The following DIAPH2 variants were observed in gnomAD, a reference collection of about 807,000 sequenced individuals.
DIAPH2 encodes diaphanous related formin 2.
Under a neutral mutation model 92.7 loss-of-function variants are expected in DIAPH2, and 35 were observed. That is an observed-to-expected ratio of 0.38 (90% confidence interval 0.29 to 0.50). DIAPH2 has a LOEUF of 0.50. Ranked by LOEUF, DIAPH2 falls within the 20% of genes least tolerant of loss-of-function variation. The pLI is 0.94. For synonymous variants in DIAPH2, 301 were observed against 280.4 expected, an observed-to-expected ratio of 1.07 and a Z score of -0.73; for missense variants, 701 against 819.5, an observed-to-expected ratio of 0.86 and a Z score of 1.77.
At chrX:97,359,812 G>A (rs6652337) in intron 24 of DIAPH2, among the ~76,000 whole-genome samples, 57 of 110,082 alleles carry the variant, frequency 5.2e-4, no homozygotes, top group African/African-American at 1.7e-3. Context: ...TCTGGACCTC[G>A]TAATCCACCC....
At chrX:97,439,854 A>G (rs1422949926) in intron 26 of DIAPH2, among the ~76,000 whole-genome samples, 2 of 111,462 alleles carry the variant, frequency 1.8e-5, no homozygotes, top group African/African-American at 6.5e-5. Context: ...GGTGGGTGGT[A>G]GTACATATGT....
intron 26 of DIAPH2, among the ~76,000 whole-genome samples, chrX:97,486,335 C>A (rs975525594): frequency 1.8e-5 from 2 of 111,639 alleles, no homozygotes; most frequent in South Asian, 7.5e-4. Context: ...TACTCTAGAC[C>A]AAAAGAGTAA....
chrX:97,472,105 C>A (rs1239158402), intron 26 of DIAPH2, among the ~76,000 whole-genome samples: 1 of 112,104 alleles, frequency 8.9e-6, no homozygotes, highest in Admixed American at 9.5e-5. Context: ...AGTCTGATAA[C>A]ACTACTACAT....
chrX:96,940,189 G>A (rs1448652553), intron 12 of DIAPH2, among the ~76,000 whole-genome samples: 1 of 111,112 alleles, frequency 9.0e-6, no homozygotes, highest in Non-Finnish European at 1.9e-5. Context: ...ATTAAGTAAG[G>A]TTTTACTGTT....
At chrX:97,055,100 T>A (rs919956768) in intron 17 of DIAPH2, among the ~76,000 whole-genome samples, 2 of 110,066 alleles carry the variant, frequency 1.8e-5, no homozygotes, top group African/African-American at 6.6e-5. Flanking sequence ...AGTTTAATTT[T>A]TTTTTTTTTC....
chrX:96,956,333 C>A (rs890290388), intron 15 of DIAPH2, among the ~76,000 whole-genome samples: 4 of 111,408 alleles, frequency 3.6e-5, no homozygotes, highest in Admixed American at 2.8e-4. Context: ...GCACAGGAAA[C>A]TATTTTTCTC....
At chrX:96,895,191 G>C (rs936781637) in intron 5 of DIAPH2, among the ~76,000 whole-genome samples, 5 of 109,967 alleles carry the variant, frequency 4.5e-5, no homozygotes, top group Admixed American at 2.0e-4. Context: ...TTTTCGTAGA[G>C]ATGGGGTTTC....
At chrX:97,535,793 A>T (rs1220523091) in intron 26 of DIAPH2, among the ~76,000 whole-genome samples, 1 of 112,511 alleles carries the variant, frequency 8.9e-6, no homozygotes, top group East Asian at 2.8e-4. Context: ...ATCATGCCCA[A>T]GGTCACTATC....
chrX:97,369,744 C>T (rs931760166), intron 24 of DIAPH2, among the ~76,000 whole-genome samples: 2 of 111,301 alleles, frequency 1.8e-5, no homozygotes, highest in Non-Finnish European at 3.8e-5. Context: ...TTTCTACTTA[C>T]AAAAGCACAA....
At chrX:96,995,979 AT>A (rs773286900) in intron 17 of DIAPH2, among the ~76,000 whole-genome samples, 4 of 111,281 alleles carry the variant, frequency 3.6e-5, no homozygotes, top group Non-Finnish European at 5.7e-5. Context: ...CAAATCTTGA[AT>A]TTGTTTCCAT....
chrX:97,367,862 C>T (rs1372426783), intron 24 of DIAPH2, among the ~76,000 whole-genome samples: 2 of 110,813 alleles, frequency 1.8e-5, no homozygotes, highest in Non-Finnish European at 3.8e-5. Flanking sequence ...GCCACCAGGC[C>T]CAGCTAATTT....
At chrX:97,327,472 G>A (rs377182333) in intron 23 of DIAPH2, among the ~76,000 whole-genome samples, 3 of 110,711 alleles carry the variant, frequency 2.7e-5, no homozygotes, top group African/African-American at 9.8e-5. Flanking sequence ...TCGCTCTGTC[G>A]CCCAGGCTGG....
At chrX:96,994,706 G>A (rs186475402) in intron 17 of DIAPH2, among the ~76,000 whole-genome samples, 389 of 111,430 alleles carry the variant, frequency 3.5e-3, no homozygotes, top group African/African-American at 0.012. Flanking sequence ...CATGGCAGAA[G>A]GTGAAGGGGA....
At chrX:96,851,266 T>C (rs756516295) in intron 4 of DIAPH2, among the ~76,000 whole-genome samples, 2 of 111,546 alleles carry the variant, frequency 1.8e-5, no homozygotes, top group East Asian at 5.7e-4. Flanking sequence ...CATGCCAGGC[T>C]AATTTTTTGT....
intron 26 of DIAPH2, among the ~76,000 whole-genome samples, chrX:97,507,141 CAAAAAAAAAAAAAA>C (rs397896097): frequency 3.2e-5 from 1 of 31,131 alleles, no homozygotes; most frequent in Admixed American, 5.2e-4. Context: ...ACAAAACCGA[CAAAAAAAAAAAAAA>C]AAAAAAAAAA....
At chrX:97,298,840 G>A (rs1235536883) in intron 23 of DIAPH2, among the ~76,000 whole-genome samples, 1 of 109,947 alleles carries the variant, frequency 9.1e-6, no homozygotes, top group African/African-American at 3.3e-5. Flanking sequence ...GAATCGTCTC[G>A]ATCTACTGAC....
intron 4 of DIAPH2, among the ~76,000 whole-genome samples, chrX:96,820,785 G>A (rs933399772): frequency 8.9e-6 from 1 of 111,888 alleles, no homozygotes; most frequent in Non-Finnish European, 1.9e-5. Context: ...GACTAAGGAA[G>A]CAAGACAGTG....
At chrX:97,073,905 C>T (rs1297475786) in intron 18 of DIAPH2, among the ~76,000 whole-genome samples, 4 of 111,707 alleles carry the variant, frequency 3.6e-5, no homozygotes, top group East Asian at 2.8e-4. Flanking sequence ...TCAAAGTTGA[C>T]GTTCAGTACT....
intron 24 of DIAPH2, among the ~76,000 whole-genome samples, chrX:97,358,999 G>C (rs1464365482): frequency 1.8e-5 from 2 of 112,102 alleles, no homozygotes; most frequent in Non-Finnish European, 3.8e-5. Context: ...TCAGTGTATA[G>C]TGCCGTTGGT....
Sources: gnomAD v4.1 joint callset for allele counts (sites outside exome capture counted in the v4.1 genomes callset) on GRCh38, gnomAD v4.1.1 for gene constraint, MANE v1.5 for transcripts, NCBI Gene and HGNC (gene_info 2026-07-23, HGNC 2026-07-21) for gene names.